Variants in RSPO2 observed in about 807,000 individuals in gnomAD.
RSPO2 encodes R-spondin-2.
RSPO2 carries 14 observed loss-of-function variants against 30.9 expected under a neutral mutation model. The observed-to-expected ratio is 0.45, with a 90% CI of 0.30 to 0.71. The LOEUF (loss-of-function observed/expected upper bound fraction) is 0.71. RSPO2 is among the 30% of genes least tolerant of loss of function. RSPO2 has a pLI of 0.08. For synonymous variants in RSPO2, 107 were observed against 96.4 expected (o/e 1.11, Z -0.64); for missense variants, 264 against 301.9 (o/e 0.87, Z 0.93).
intron 2 of RSPO2, among the ~76,000 whole-genome samples, chr8:108,076,161 A>G (rs1813007303): frequency 6.6e-6 from 1 of 152,244 alleles, no homozygotes; most frequent in Non-Finnish European, 1.5e-5. Context: ...CAAGAGCTTG[A>G]AAACACATGG....
intron 2 of RSPO2, among the ~76,000 whole-genome samples, chr8:107,999,606 T>C (rs1187270254): frequency 1.3e-5 from 2 of 152,084 alleles, no homozygotes. Flanking sequence ...AGCTAATTTT[T>C]GTATTTTTAG....
At chr8:107,926,473 G>C (rs1208382824) in intron 5 of RSPO2, among the ~76,000 whole-genome samples, 1 of 152,068 alleles carries the variant, frequency 6.6e-6, no homozygotes, top group Non-Finnish European at 1.5e-5. Context: ...TGAAGTCCTT[G>C]CCCATGCCTA....
At chr8:107,931,721 T>C (rs1812558207) in intron 5 of RSPO2, among the ~76,000 whole-genome samples, 1 of 152,144 alleles carries the variant, frequency 6.6e-6, no homozygotes, top group Non-Finnish European at 1.5e-5. Context: ...CATCTAATTT[T>C]CATTGTCAAG....
chr8:107,923,977 A>G, intron 5 of RSPO2, among the ~76,000 whole-genome samples: 1 of 152,082 alleles, frequency 6.6e-6, no homozygotes, highest in East Asian at 1.9e-4. Flanking sequence ...GTCAGGAAAA[A>G]TAACTAATGG....
intron 2 of RSPO2, among the ~76,000 whole-genome samples, chr8:108,027,262 T>TC: frequency 6.6e-6 from 1 of 152,372 alleles, no homozygotes; most frequent in Non-Finnish European, 1.5e-5. Flanking sequence ...GTTAGATTTA[T>TC]CCAACTGATT....
At chr8:107,926,832 T>C (rs183218304) in intron 5 of RSPO2, among the ~76,000 whole-genome samples, 258 of 152,336 alleles carry the variant, frequency 1.7e-3, no homozygotes, top group Non-Finnish European at 3.0e-3. Context: ...GGTAGCATGA[T>C]GCCTCCAGCT....
intron 5 of RSPO2, 46 bp downstream of exon 5, chr8:107,958,034 A>T: frequency 1.0e-6 from 1 of 967,716 alleles, no homozygotes; most frequent in Admixed American, 2.7e-5. Context: ...AAGCGGGAGA[A>T]TTCAGGAAGC....
chr8:107,975,096 C>T (rs755179975), intron 3 of RSPO2, among the ~76,000 whole-genome samples: 4 of 152,182 alleles, frequency 2.6e-5, no homozygotes, highest in Non-Finnish European at 5.9e-5. Flanking sequence ...ATAACAAAGA[C>T]ATTGAAAAGG....
At chr8:108,036,453 C>T (rs1288797832) in intron 2 of RSPO2, among the ~76,000 whole-genome samples, 1 of 152,202 alleles carries the variant, frequency 6.6e-6, no homozygotes, top group African/African-American at 2.4e-5. Context: ...ACAACCATTT[C>T]TGTCAAGACC....
Position 108,026,578 on chromosome 8 carries a change from C to G in RSPO2, c.95-37334G>C, listed in dbSNP as rs140410803. Among the ~76,000 whole-genome samples the G allele has an allele frequency of 2.0e-5, 3 of 152,094 alleles. No homozygotes were observed. In the East Asian group the frequency reaches 5.8e-4, roughly 29 times the overall value. ...AGCAAGTATGAAGTATAGTAAAATA[C>G]TAACAAGGCCAGGAGCGGTGGCTCA... On this transcript the variant is annotated intron_variant, in intron 2 of 5. Transcript: ENST00000276659.
chr8:107,985,860 T>C (rs182541376), intron 3 of RSPO2, among the ~76,000 whole-genome samples: 212 of 152,266 alleles, frequency 1.4e-3, no homozygotes, highest in African/African-American at 4.6e-3. Flanking sequence ...ATAAGTATGG[T>C]TGAACTGCAT....
At chr8:107,985,361 AT>A (rs1187508729) in intron 3 of RSPO2, among the ~76,000 whole-genome samples, 1 of 152,166 alleles carries the variant, frequency 6.6e-6, no homozygotes, top group Non-Finnish European at 1.5e-5. Flanking sequence ...ATATAAGGAT[AT>A]TTTTCATAGA....
At position 107,960,782 on chromosome 8, in the gene RSPO2, T is replaced by C. The variant is rs1813602106; in HGVS notation, c.319A>G (p.Lys107Glu). 6.2e-7 allele frequency: 1 copy of C among 1,608,466 alleles called. No homozygotes were observed. The change falls in exon 4 of 6, where the codon AAA becomes GAA. Residue 107 changes from lysine to glutamate, a missense_variant. Coordinates refer to ENST00000276659, the MANE Select transcript of RSPO2 (RefSeq NM_178565.5). Reference sequence around the variant, plus strand: ...ACTTTGCACTTGGTACAAAAGTCTTTGCTAAAGCAAGAATCACAGTTTTCT... The same window carrying C: ...ACTTTGCACTTGGTACAAAAGTCTTCGCTAAAGCAAGAATCACAGTTTTCT... ...RIENCDSCFS[K>E]DFCTKCKVGF...
At chr8:107,931,178 T>C (rs1291130260) in intron 5 of RSPO2, among the ~76,000 whole-genome samples, 1 of 152,200 alleles carries the variant, frequency 6.6e-6, no homozygotes, top group Non-Finnish European at 1.5e-5. Context: ...TAAAAATTGA[T>C]ACCAACAACA....
intron 3 of RSPO2, among the ~76,000 whole-genome samples, chr8:107,988,154 G>A (rs77987920): frequency 0.027 from 4,130 of 152,020 alleles, 149 homozygotes; most frequent in African/African-American, 0.081. Context: ...ATTAAAAGAT[G>A]AAAAATTGCA....
intron 5 of RSPO2, among the ~76,000 whole-genome samples, chr8:107,921,186 A>C (rs1335880076): frequency 6.6e-6 from 1 of 152,034 alleles, no homozygotes; most frequent in Non-Finnish European, 1.5e-5. Flanking sequence ...GTCTGTAGTG[A>C]CTTTTTAATG....
Position 107,934,677 on chromosome 8 carries a change from G to A in RSPO2, c.616+23403C>T, listed in dbSNP as rs1277620002. Among the ~76,000 whole-genome samples the A allele has an allele frequency of 2.0e-5, 3 of 152,234 alleles. No homozygotes were observed. In the East Asian group the frequency reaches 5.8e-4, roughly 29 times the overall value. On this transcript the variant is annotated intron_variant, in intron 5 of 5. Coordinates refer to ENST00000276659, the MANE Select transcript of RSPO2 (RefSeq NM_178565.5). The stretch of plus-strand genomic sequence containing the variant: ...GTGAGCCACCATGCCTGGCCCTGTT[G>A]CGGGAAGTCAGAGACCCCAAACGGA...
At chr8:108,058,292 G>A (rs1034664359) in intron 2 of RSPO2, among the ~76,000 whole-genome samples, 1 of 151,990 alleles carries the variant, frequency 6.6e-6, no homozygotes, top group Non-Finnish European at 1.5e-5. Context: ...AATTTACAAG[G>A]GACATGAAGG....
intron 2 of RSPO2, among the ~76,000 whole-genome samples, chr8:108,014,293 C>T (rs1363979658): frequency 1.3e-5 from 2 of 152,076 alleles, no homozygotes; most frequent in Non-Finnish European, 2.9e-5. Flanking sequence ...GGCGATTCCT[C>T]AAGGATCTAG....
Sources: allele counts gnomAD v4.1 joint callset (sites outside exome capture counted in the v4.1 genomes callset), GRCh38; gene constraint gnomAD v4.1.1; transcripts MANE v1.5; gene names NCBI Gene and HGNC (gene_info 2026-07-23, HGNC 2026-07-21).